Variants in SCN11A observed in about 807,000 individuals in gnomAD.
SCN11A encodes the protein sodium voltage-gated channel alpha subunit 11, also known as sodium channel protein type 11 subunit alpha.
In SCN11A, 122 loss-of-function variants were observed where a neutral mutation model predicts 162.2. The ratio of observed to expected loss-of-function variants is 0.75; its 90% CI spans 0.65 to 0.87. SCN11A has a LOEUF of 0.87. Ranked by LOEUF, SCN11A falls within the 40% of genes least tolerant of loss-of-function variation. SCN11A has a pLI of 0.00. For synonymous variants in SCN11A, 758 were observed against 751.5 expected, an observed-to-expected ratio of 1.01 and a Z score of -0.14; for missense variants, 2,015 against 2,181.6, an observed-to-expected ratio of 0.92 and a Z score of 1.52.
intron 2 of SCN11A, among the ~76,000 whole-genome samples, chr3:39,026,305 G>A (rs2031586466): frequency 1.3e-5 from 2 of 152,068 alleles, no homozygotes; most frequent in Non-Finnish European, 2.9e-5. Flanking sequence ...AATTCATTAA[G>A]CTCTATACTT....
intron 2 of SCN11A, among the ~76,000 whole-genome samples, chr3:39,011,665 G>C (rs1440381107): frequency 9.2e-5 from 14 of 152,162 alleles, no homozygotes; most frequent in Non-Finnish European, 8.8e-5. Context: ...TTGCTTATCA[G>C]GTTGCTCATT....
intron 7 of SCN11A, among the ~76,000 whole-genome samples, chr3:38,940,025 A>T (rs1168486261): frequency 3.4e-5 from 5 of 149,178 alleles, no homozygotes; most frequent in Non-Finnish European, 7.4e-5. Flanking sequence ...TATATATATA[A>T]AATATTGATA....
intron 11 of SCN11A, 83 bp from the exon 12 acceptor site, chr3:38,910,290 A>T: frequency 4.2e-6 from 6 of 1,437,354 alleles, no homozygotes; most frequent in Non-Finnish European, 5.7e-6. Flanking sequence ...TGGTTTTTCC[A>T]AGGGCTGTGG....
intron 28 of SCN11A, among the ~76,000 whole-genome samples, chr3:38,852,589 G>C (rs2064800615): frequency 6.6e-6 from 1 of 152,210 alleles, no homozygotes; most frequent in Admixed American, 6.5e-5. Context: ...AAGCCACCCT[G>C]TGAAGATGCT....
At chr3:38,936,363 T>G (rs1311606071) in intron 7 of SCN11A, among the ~76,000 whole-genome samples, 5 of 146,946 alleles carry the variant, frequency 3.4e-5, no homozygotes, top group Non-Finnish European at 7.5e-5. Flanking sequence ...TTGGAAGTTC[T>G]GGCCAGGGCA....
chr3:38,981,562 T>C (rs2030059012), intron 2 of SCN11A, among the ~76,000 whole-genome samples: 1 of 151,700 alleles, frequency 6.6e-6, no homozygotes, highest in Admixed American at 6.6e-5. Context: ...TGTGTGTGTG[T>C]GTGTGTATTC....
At chr3:38,922,156 TAA>T (rs2066063890) in intron 9 of SCN11A, among the ~76,000 whole-genome samples, 1 of 152,210 alleles carries the variant, frequency 6.6e-6, no homozygotes, top group Non-Finnish European at 1.5e-5. Flanking sequence ...GGAATGACAC[TAA>T]GTGACAAAAT....
intron 18 of SCN11A, among the ~76,000 whole-genome samples, chr3:38,896,239 G>A (rs1203298436): frequency 6.6e-6 from 1 of 152,146 alleles, no homozygotes; most frequent in East Asian, 1.9e-4. Flanking sequence ...AAACCCCTCT[G>A]GCTAGGCCCC....
At chr3:38,966,717 G>A (rs182454396) in intron 2 of SCN11A, among the ~76,000 whole-genome samples, 3 of 152,092 alleles carry the variant, frequency 2.0e-5, no homozygotes, top group African/African-American at 7.2e-5. Context: ...CTACCTAACC[G>A]TATGTTTGTA....
At chr3:38,899,210 C>T (rs2065655410) in intron 17 of SCN11A, among the ~76,000 whole-genome samples, 1 of 152,240 alleles carries the variant, frequency 6.6e-6, no homozygotes. Context: ...TCTGTCTATA[C>T]CTTTCCTGGG....
chr3:38,945,350 A>T, intron 7 of SCN11A, 61 bp downstream of exon 7: 1 of 1,038,454 alleles, frequency 9.6e-7, no homozygotes, highest in Non-Finnish European at 1.5e-6. Flanking sequence ...TGTAATCATT[A>T]ACTGTCTTAG....
At chr3:38,933,127 C>T (rs1411893311) in intron 7 of SCN11A, among the ~76,000 whole-genome samples, 2 of 152,202 alleles carry the variant, frequency 1.3e-5, no homozygotes, top group African/African-American at 4.8e-5. Flanking sequence ...CTGGAGTGGA[C>T]CTCTAGCAAA....
intron 1 of SCN11A, among the ~76,000 whole-genome samples, chr3:39,048,845 C>T (rs2032250673): frequency 6.6e-6 from 1 of 152,168 alleles, no homozygotes; most frequent in African/African-American, 2.4e-5. Context: ...TGTGAGGAAC[C>T]AAATAGTGCT....
intron 23 of SCN11A, among the ~76,000 whole-genome samples, chr3:38,876,734 C>CA (rs2065213452): frequency 6.6e-6 from 1 of 152,036 alleles, no homozygotes; most frequent in Non-Finnish European, 1.5e-5. Flanking sequence ...GAAAAGAGAA[C>CA]ACTTCTACAC....
At chr3:38,893,073 G>C (rs1229884665) in intron 19 of SCN11A, among the ~76,000 whole-genome samples, 1 of 152,072 alleles carries the variant, frequency 6.6e-6, no homozygotes, top group East Asian at 1.9e-4. Flanking sequence ...GAGATTGCCA[G>C]AATAGATAAG....
chr3:39,049,612 G>A (rs557133238), intron 1 of SCN11A, among the ~76,000 whole-genome samples: 5 of 152,276 alleles, frequency 3.3e-5, no homozygotes, highest in African/African-American at 7.2e-5. Flanking sequence ...AACACCCAGC[G>A]GTGGCTTGGT....
At chr3:38,936,668 C>A (rs1403152983) in intron 7 of SCN11A, among the ~76,000 whole-genome samples, 1 of 151,810 alleles carries the variant, frequency 6.6e-6, no homozygotes, top group South Asian at 2.1e-4. Flanking sequence ...TTACAAGGGA[C>A]GTGAAGGACC....
intron 6 of SCN11A, among the ~76,000 whole-genome samples, 166 bp downstream of exon 6, chr3:38,946,623 G>A (rs575855564): frequency 2.0e-5 from 3 of 152,326 alleles, no homozygotes; most frequent in South Asian, 2.1e-4. Context: ...AGAAGGAGAC[G>A]ACATCTTGCT....
At chr3:38,920,898 C>A (rs1257285915) in intron 10 of SCN11A, among the ~76,000 whole-genome samples, 178 bp downstream of exon 10, 1 of 152,102 alleles carries the variant, frequency 6.6e-6, no homozygotes, top group Non-Finnish European at 1.5e-5. Flanking sequence ...CCATAGGAAG[C>A]CAAAGAATGA....
Sources: gnomAD v4.1 joint callset for allele counts (sites outside exome capture counted in the v4.1 genomes callset) on GRCh38, gnomAD v4.1.1 for gene constraint, MANE v1.5 for transcripts, NCBI Gene and HGNC (gene_info 2026-07-23, HGNC 2026-07-21) for gene names.